The following ESYT3 variants were observed in gnomAD, a reference collection of about 807,000 sequenced individuals.
The protein encoded by ESYT3 is extended synaptotagmin 3, also known as extended synaptotagmin-3.
Under a neutral mutation model 111.5 loss-of-function variants are expected in ESYT3, and 101 were observed. The observed-to-expected ratio is 0.91, with a 90% CI of 0.77 to 1.07. ESYT3 has a LOEUF of 1.07. Ranked by LOEUF, ESYT3 falls within the 50% of genes least tolerant of loss-of-function variation. The pLI is 0.00. For synonymous variants in ESYT3, 416 were observed against 446.8 expected (o/e 0.93, Z 0.87); for missense variants, 1,097 against 1,109.4 (o/e 0.99, Z 0.16).
chr3:138,472,434 G>A lies in ESYT3; in HGVS notation c.1812G>A (p.Leu604=). 1 of 1,614,156 alleles carries A rather than the reference G, an allele frequency of 6.2e-7. No individual in the cohort carries two copies. Among genetic ancestry groups the A allele is most frequent in the South Asian group, 1.1e-5 (1 of 91,082 alleles). ...TGPEALKKGP[L]LIKKVATNQG... ...CTGAAGCCCTAAAGAAAGGCCCTCTGCTCATCAAGAAAGTGGCTACCAACC... is the reference window on the plus strand; with the variant it reads ...CTGAAGCCCTAAAGAAAGGCCCTCTACTCATCAAGAAAGTGGCTACCAACC... Residue 604 remains leucine, a synonymous_variant, in exon 18 of 23, where the codon CTG becomes CTA. Transcript: ENST00000389567.
At chr3:138,460,767 T>G in intron 7 of ESYT3, 101 bp downstream of exon 7, 1 of 1,232,070 alleles carries the variant, frequency 8.1e-7, no homozygotes, top group Admixed American at 1.7e-5. Flanking sequence ...CTTTCCCTCC[T>G]GGTGCTCTCT....
chr3:138,467,435 G>T, intron 10 of ESYT3, 126 bp from the exon 11 acceptor site: 1 of 934,338 alleles, frequency 1.1e-6, no homozygotes, highest in Non-Finnish European at 1.7e-6. Flanking sequence ...TGGTTCCTTG[G>T]GGTAAGATCC....
intron 2 of ESYT3, among the ~76,000 whole-genome samples, chr3:138,453,110 G>C (rs2032049318): frequency 6.6e-6 from 1 of 152,156 alleles, no homozygotes; most frequent in Non-Finnish European, 1.5e-5. Flanking sequence ...GGTAAATTTG[G>C]AAGAAGCAGG....
chr3:138,442,948 AT>A (rs2031265748), intron 1 of ESYT3, among the ~76,000 whole-genome samples: 1 of 152,218 alleles, frequency 6.6e-6, no homozygotes. Flanking sequence ...AAGCAAGAGG[AT>A]AAGTTTTTTT....
At chr3:138,444,733 T>A (rs2031411402) in intron 1 of ESYT3, among the ~76,000 whole-genome samples, 1 of 152,198 alleles carries the variant, frequency 6.6e-6, no homozygotes, top group Non-Finnish European at 1.5e-5. Flanking sequence ...GAAATCATAA[T>A]ATTCTGTTTT....
chr3:138,454,383 A>T (rs1009647133), intron 2 of ESYT3, among the ~76,000 whole-genome samples: 5 of 149,352 alleles, frequency 3.3e-5, no homozygotes, highest in African/African-American at 5.0e-5. Flanking sequence ...AACTAAAAAT[A>T]AAAAAAAAAT....
At chr3:138,448,570 A>G (rs1238627441) in intron 1 of ESYT3, among the ~76,000 whole-genome samples, 1 of 152,114 alleles carries the variant, frequency 6.6e-6, no homozygotes, top group East Asian at 1.9e-4. Flanking sequence ...AAAAATCCAG[A>G]GAGATTAAAG....
intron 1 of ESYT3, among the ~76,000 whole-genome samples, chr3:138,441,841 G>C (rs1431764567): frequency 1.3e-5 from 2 of 150,794 alleles, no homozygotes; most frequent in South Asian, 2.1e-4. Flanking sequence ...TTTTTTTAAG[G>C]TGCTGTATAT....
intron 12 of ESYT3, 61 bp from the exon 13 acceptor site, chr3:138,468,594 A>G: frequency 6.3e-7 from 1 of 1,579,768 alleles, no homozygotes; most frequent in South Asian, 1.1e-5. Context: ...AGGCTTCTCC[A>G]AAATCAGTCT....
At position 138,460,610 on chromosome 3, in the gene ESYT3, G is replaced by A. The variant is rs2032575434; in HGVS notation, c.739-1G>A. 6.2e-7 allele frequency: 1 copy of A among 1,613,940 alleles called. No individual in the cohort carries two copies. The highest frequency in any genetic ancestry group is 1.7e-5 in the Admixed American group (1 of 60,000). ...CTAATAGCTTCCCTCTGCCCCTGAA[G>A]CACCTACAGATCAACTGGACTGGCC... On this transcript the variant is annotated splice_acceptor_variant, in intron 6 of 22. Transcript: ENST00000389567. LOFTEE classifies it high-confidence loss of function.
In ESYT3 at chr3:138,469,480, A is replaced by T. The variant is rs1372505772; in HGVS notation, c.1479A>T (p.Val493=). Reference sequence around the variant, plus strand: ...CTTCTTCCTATGTCAAACTATCTGTAGGCAAGAAGACACATACAAGTAAGG... The same window carrying T: ...CTTCTTCCTATGTCAAACTATCTGTTGGCAAGAAGACACATACAAGTAAGG... ...KDPSSYVKLS[V]GKKTHTSKTC... The change falls in exon 15 of 23, where the codon GTA becomes GTT. Residue 493 remains valine, a synonymous_variant. Coordinates refer to ENST00000389567, the MANE Select transcript of ESYT3 (RefSeq NM_031913.5). The T allele has an allele frequency of 6.2e-7, 1 of 1,614,080 alleles. No homozygotes were observed. Among genetic ancestry groups the T allele is most frequent in the South Asian group, 1.1e-5 (1 of 91,074 alleles).
At position 138,434,731 on chromosome 3, in the gene ESYT3, T is replaced by TGGGCGTGG; in HGVS notation, c.-63_-56dup. 7 of 1,331,592 alleles carry TGGGCGTGG rather than the reference T, an allele frequency of 5.3e-6. 1 individual carries two copies. In the South Asian group the frequency reaches 1.1e-4, roughly 21 times the overall value. The allele number at this position is 1,331,592 out of a possible 1,614,324, so 82.5% of individuals were successfully genotyped here. Reference sequence around the variant, plus strand: ...CTCGAGCTTGGGAGACAGATGCGCATGGGCGTGGGGGCATGCGGACCTAAG... The same window carrying TGGGCGTGG: ...CTCGAGCTTGGGAGACAGATGCGCATGGGCGTGGGGGCGTGGGGGCATGCGGACCTAAG... On this transcript the variant is annotated 5_prime_UTR_variant, in exon 1 of 23. It removes the in-frame stop codon of an upstream open reading frame in the 5' UTR. Transcript: ENST00000389567.
intron 20 of ESYT3, among the ~76,000 whole-genome samples, chr3:138,475,613 G>T (rs1453267174): frequency 1.3e-5 from 2 of 152,180 alleles, no homozygotes; most frequent in Non-Finnish European, 2.9e-5. Flanking sequence ...ACTGTTCAGG[G>T]TGAGGAGGGC....
Position 138,476,451 on chromosome 3 carries a change from T to G in ESYT3, c.2583T>G (p.Ile861Met). 6.2e-7 allele frequency: 1 copy of G among 1,614,030 alleles called. No homozygotes were observed. The highest frequency in any genetic ancestry group is 1.3e-5 in the African/African-American group (1 of 75,064). ...TATTTGTGATTATTTAGGTACTGATTGACTTATCAAAAGAAGATCTGATTA... is the reference window on the plus strand; with the variant it reads ...TATTTGTGATTATTTAGGTACTGATGGACTTATCAAAAGAAGATCTGATTA... Reference protein sequence around the residue: ...HRRKELGKVLIDLSKEDLIKG... With the variant: ...HRRKELGKVLMDLSKEDLIKG... The change falls in exon 22 of 23, where the codon ATT becomes ATG. Residue 861 changes from isoleucine to methionine, a missense_variant. Transcript: ENST00000389567.
chr3:138,452,099 C>G lies in ESYT3; in HGVS notation c.369+10C>G. The G allele has an allele frequency of 6.2e-7, 1 of 1,607,826 alleles. No homozygotes were observed. Among genetic ancestry groups the G allele is most frequent in the Non-Finnish European group, 8.5e-7 (1 of 1,179,672 alleles). On this transcript the variant is annotated intron_variant, in intron 2 of 22. Coordinates refer to ENST00000389567, the MANE Select transcript of ESYT3 (RefSeq NM_031913.5). The stretch of plus-strand genomic sequence containing the variant: ...CGAGTGGGCCAACAAGGTAAGGCCG[C>G]TGGCAGGGCCTAGCAGGGCCGGACG...
rs2033593216 is a variant in ESYT3, at chr3:138,478,653, A to G, written c.*1799A>G. ...ACCGTTTTTACCTGTGTCAGGCAAC[A>G]CAGGTAAATACCTGGTGATGGTCTG... is the stretch of plus-strand genomic sequence containing the variant. On this transcript the variant is annotated 3_prime_UTR_variant, in exon 23 of 23. Transcript: ENST00000389567. 1.3e-5 allele frequency: 2 copies of G among 152,218 alleles called. No individual in the cohort carries two copies. Among genetic ancestry groups the G allele is most frequent in the African/African-American group, 4.8e-5 (2 of 41,444 alleles). 9.4% of individuals were successfully genotyped at this position (152,218 alleles called of 1,614,324 possible).
intron 19 of ESYT3, 57 bp from the exon 20 acceptor site, chr3:138,474,164 G>A (rs2033373828): frequency 1.1e-5 from 18 of 1,580,152 alleles, no homozygotes; most frequent in Non-Finnish European, 1.5e-5. Flanking sequence ...CAAATGTTCA[G>A]TGTTTGAAAA....
chr3:138,480,508 C>A (rs2033669784), downstream of ESYT3: 1 of 152,214 alleles, frequency 6.6e-6, no homozygotes, highest in African/African-American at 2.4e-5. Flanking sequence ...CTAGAATTAA[C>A]CAGAAAGTCT....
intron 1 of ESYT3, among the ~76,000 whole-genome samples, chr3:138,441,171 C>T (rs769372413): frequency 4.6e-5 from 7 of 152,190 alleles, no homozygotes; most frequent in Admixed American, 6.5e-5. Flanking sequence ...CAGTTGAGCT[C>T]ATTATTGCAT....
Sources: allele counts gnomAD v4.1 joint callset (sites outside exome capture counted in the v4.1 genomes callset), GRCh38; gene constraint gnomAD v4.1.1; transcripts MANE v1.5; gene names NCBI Gene and HGNC (gene_info 2026-07-23, HGNC 2026-07-21).